Variants in GRM1 observed in about 807,000 individuals in gnomAD.
The protein encoded by GRM1 is glutamate metabotropic receptor 1, also known as metabotropic glutamate receptor 1.
In GRM1, 33 loss-of-function variants were observed where a neutral mutation model predicts 90.9. The observed-to-expected ratio is 0.36, with a 90% CI of 0.28 to 0.49. GRM1 has a LOEUF of 0.49. Among genes scored for constraint, GRM1 ranks in the 20% least tolerant of loss-of-function variants. GRM1 has a pLI of 0.99. For synonymous variants in GRM1, 700 were observed against 613.2 expected (o/e 1.14, Z -2.09); for missense variants, 1,190 against 1,534.3 (o/e 0.78, Z 3.75).
At chr6:146,140,185 T>C (rs1324257494) in intron 1 of GRM1, among the ~76,000 whole-genome samples, 12 of 146,398 alleles carry the variant, frequency 8.2e-5, no homozygotes, top group African/African-American at 3.1e-4. Flanking sequence ...CCTTCTTTCC[T>C]GTCTACATTT....
chr6:146,235,324 TA>T (rs1371128166), intron 2 of GRM1, among the ~76,000 whole-genome samples: 5 of 152,138 alleles, frequency 3.3e-5, no homozygotes, highest in African/African-American at 1.2e-4. Flanking sequence ...AGATGTAATA[TA>T]TTTTATTTTC....
At chr6:146,332,679 A>G (rs997122377) in intron 3 of GRM1, among the ~76,000 whole-genome samples, 3 of 152,246 alleles carry the variant, frequency 2.0e-5, no homozygotes, top group Non-Finnish European at 4.4e-5. Flanking sequence ...TACCTTTGCC[A>G]TGAAGTGTAA....
intron 2 of GRM1, among the ~76,000 whole-genome samples, chr6:146,229,778 A>G (rs1046448837): frequency 3.9e-5 from 6 of 152,204 alleles, no homozygotes; most frequent in Admixed American, 3.3e-4. Flanking sequence ...AAAAATAACT[A>G]TCATGTACTG....
Position 146,352,280 on chromosome 6 carries a change from A to C in GRM1, c.1217A>C (p.Gln406Pro). 1 of 1,613,734 alleles carries C rather than the reference A, an allele frequency of 6.2e-7. No homozygotes were observed. The highest frequency in any genetic ancestry group is 8.5e-7 in the Non-Finnish European group (1 of 1,179,586). ...GAAAGCTTAGAAGAAAACTATGTCC[A>C]GGACAGTAAGATGGGGTTTGTCATC... is the stretch of plus-strand genomic sequence containing the variant. ...GNESLEENYV[Q>P]DSKMGFVINA... The change falls in exon 4 of 8, where the codon CAG becomes CCG. Residue 406 changes from glutamine to proline, a missense_variant. This residue lies in a region of GRM1 where 414 missense variants were observed against 598.4 expected (regional missense o/e 0.69). Transcript: ENST00000282753.
intron 2 of GRM1, among the ~76,000 whole-genome samples, chr6:146,160,221 G>A (rs1217925352): frequency 3.3e-5 from 5 of 152,172 alleles, no homozygotes; most frequent in East Asian, 1.9e-4. Context: ...GATATGCAAC[G>A]GAACTGTGGA....
chr6:146,339,865 C>T (rs1049689197), intron 3 of GRM1, among the ~76,000 whole-genome samples: 1 of 152,176 alleles, frequency 6.6e-6, no homozygotes, highest in Non-Finnish European at 1.5e-5. Context: ...GTAACTTGTA[C>T]CACCATAACA....
At chr6:146,160,228 T>G (rs1488256050) in intron 2 of GRM1, among the ~76,000 whole-genome samples, 2 of 152,204 alleles carry the variant, frequency 1.3e-5, no homozygotes, top group Non-Finnish European at 2.9e-5. Context: ...AACGGAACTG[T>G]GGAATTTTAT....
At chr6:146,334,634 ACCAGAATGCAAAT>A (rs1241753142) in intron 3 of GRM1, among the ~76,000 whole-genome samples, 3 of 152,128 alleles carry the variant, frequency 2.0e-5, no homozygotes, top group Non-Finnish European at 4.4e-5. Context: ...ATAAACTAAG[ACCAGAATGCAAAT>A]CCACTGTATT....
chr6:146,047,039 A>T (rs9390374), intron 1 of GRM1, among the ~76,000 whole-genome samples: 40,491 of 151,902 alleles, frequency 0.27, 5,889 homozygotes, highest in Middle Eastern at 0.38. Flanking sequence ...GATCTGAGTA[A>T]GGTGCTAACA....
chr6:146,345,340 C>T (rs1234113860), intron 3 of GRM1, among the ~76,000 whole-genome samples: 1 of 152,138 alleles, frequency 6.6e-6, no homozygotes, highest in Non-Finnish European at 1.5e-5. Context: ...TATTTTGTTG[C>T]ATTCATTTAG....
At chr6:146,189,152 AT>A (rs1404171144) in intron 2 of GRM1, among the ~76,000 whole-genome samples, 1 of 152,148 alleles carries the variant, frequency 6.6e-6, no homozygotes, top group African/African-American at 2.4e-5. Context: ...TTAATTGTTG[AT>A]TTTTTCCCTA....
In GRM1 at chr6:146,437,114, T is replaced by C. The variant is rs1778616105; in HGVS notation, c.*2318T>C. The C allele has an allele frequency of 6.6e-6, 1 of 152,220 alleles. No individual in the cohort carries two copies. Among genetic ancestry groups the C allele is most frequent in the Admixed American group, 6.5e-5 (1 of 15,286 alleles). 9.4% of individuals were successfully genotyped at this position (152,220 alleles called of 1,614,324 possible). A position where few individuals can be genotyped will look rare whatever the true frequency, so the allele number is the denominator to read the frequency against. On this transcript the variant is annotated 3_prime_UTR_variant, in exon 8 of 8. Coordinates refer to ENST00000282753, the MANE Select transcript of GRM1 (RefSeq NM_001278064.2). ...CTCCAGTGATTAATAGATGGGTTTT[T>C]AGTAATTGACAAATTCATGAGGGAA...
At chr6:146,420,944 C>A (rs1777967588) in intron 7 of GRM1, among the ~76,000 whole-genome samples, 1 of 152,024 alleles carries the variant, frequency 6.6e-6, no homozygotes. Context: ...CTAAGACCAC[C>A]AGAGGAAAGA....
At chr6:146,357,858 T>C (rs1465533015) in intron 5 of GRM1, among the ~76,000 whole-genome samples, 164 bp downstream of exon 5, 6 of 152,132 alleles carry the variant, frequency 3.9e-5, no homozygotes, top group South Asian at 2.1e-4. Flanking sequence ...AAGACAAAGA[T>C]TAGGAAACAG....
At chr6:146,384,351 T>C (rs868270953) in intron 5 of GRM1, among the ~76,000 whole-genome samples, 1 of 151,856 alleles carries the variant, frequency 6.6e-6, no homozygotes, top group Non-Finnish European at 1.5e-5. Flanking sequence ...GCAGCCAGAG[T>C]AGAGATATCT....
chr6:146,296,677 A>G (rs1473916128), intron 2 of GRM1, among the ~76,000 whole-genome samples: 3 of 152,192 alleles, frequency 2.0e-5, no homozygotes, highest in Admixed American at 6.5e-5. Context: ...GGGATTTTCA[A>G]TAATGTTAGA....
chr6:146,368,262 G>GC (rs1456023780), intron 5 of GRM1, among the ~76,000 whole-genome samples: 1 of 118,932 alleles, frequency 8.4e-6, no homozygotes, highest in Non-Finnish European at 1.7e-5. Context: ...TTTTTTTTTG[G>GC]GGGGGGGGGT....
intron 6 of GRM1, among the ~76,000 whole-genome samples, chr6:146,390,585 TAA>T (rs887929485): frequency 1.4e-5 from 2 of 144,844 alleles, no homozygotes; most frequent in South Asian, 2.2e-4. Context: ...ATTTTCTCAT[TAA>T]AAAAAAAAAC....
intron 1 of GRM1, among the ~76,000 whole-genome samples, chr6:146,070,338 C>T (rs143168065): frequency 2.4e-4 from 36 of 152,134 alleles, no homozygotes; most frequent in African/African-American, 7.7e-4. Context: ...GCACTCAATA[C>T]GCATGATTTT....
Sources: allele counts gnomAD v4.1 joint callset (sites outside exome capture counted in the v4.1 genomes callset), GRCh38; gene constraint gnomAD v4.1.1; regional missense constraint gnomAD v4.1.1; transcripts MANE v1.5; gene names NCBI Gene and HGNC (gene_info 2026-07-23, HGNC 2026-07-21).